The following AFM variants were observed in gnomAD, a reference collection of about 807,000 sequenced individuals.
The protein encoded by AFM is afamin.
AFM carries 82 observed loss-of-function variants against 68.7 expected under a neutral mutation model. That is an observed-to-expected ratio of 1.19 (90% CI 1.00 to 1.43). The LOEUF is 1.43. Ranked by LOEUF, AFM falls within the 40% of genes most tolerant of loss-of-function variation. AFM has a pLI of 0.00. For missense variants in AFM, 772 were observed against 701.8 expected (o/e 1.10, Z -1.13); for synonymous variants, 250 against 234.2 (o/e 1.07, Z -0.61).
chr4:73,486,270 A>G (rs1370313765), intron 4 of AFM, among the ~76,000 whole-genome samples, 197 bp downstream of exon 4: 1 of 152,220 alleles, frequency 6.6e-6, no homozygotes, highest in African/African-American at 2.4e-5. Context: ...CCCTGCTTAC[A>G]AGACCATTAT....
At chr4:73,493,240 CT>C (rs1298011714) in intron 8 of AFM, among the ~76,000 whole-genome samples, 1 of 152,128 alleles carries the variant, frequency 6.6e-6, no homozygotes, top group Non-Finnish European at 1.5e-5. Context: ...TGGGATGCCA[CT>C]GAATGGTTTT....
chr4:73,499,904 C>T, intron 11 of AFM, 100 bp from the exon 12 acceptor site: 2 of 969,814 alleles, frequency 2.1e-6, no homozygotes, highest in Non-Finnish European at 3.2e-6. Context: ...GTGAGGTTAA[C>T]AGTGATCTTA....
intron 7 of AFM, among the ~76,000 whole-genome samples, chr4:73,491,307 A>G (rs550540336): frequency 6.6e-6 from 1 of 152,298 alleles, no homozygotes; most frequent in African/African-American, 2.4e-5. Flanking sequence ...AATGAATGAT[A>G]TCCATTAGAA....
chr4:73,482,033 G>C (rs1720728661), intron 1 of AFM, among the ~76,000 whole-genome samples, 170 bp downstream of exon 1: 2 of 151,990 alleles, frequency 1.3e-5, no homozygotes, highest in Non-Finnish European at 2.9e-5. Context: ...TTTTTATTTT[G>C]ATGGTAATTT....
chr4:73,499,267 A>C, intron 11 of AFM, 21 bp downstream of exon 11: 1 of 1,510,030 alleles, frequency 6.6e-7, no homozygotes, highest in South Asian at 1.3e-5. Flanking sequence ...CCTGTGTACC[A>C]GACTACTCTT....
At chr4:73,499,801 A>G (rs1020366489) in intron 11 of AFM, among the ~76,000 whole-genome samples, 2 of 152,074 alleles carry the variant, frequency 1.3e-5, no homozygotes, top group Non-Finnish European at 2.9e-5. Context: ...CTAAATTCTT[A>G]TGGCTTGGAT....
intron 1 of AFM, among the ~76,000 whole-genome samples, chr4:73,483,644 T>C (rs1304305712): frequency 1.3e-5 from 2 of 152,258 alleles, no homozygotes; most frequent in African/African-American, 2.4e-5. Context: ...AGCATGGTAA[T>C]GTATTTGACA....
intron 3 of AFM, among the ~76,000 whole-genome samples, chr4:73,485,459 C>A (rs1720863925): frequency 6.6e-6 from 1 of 151,954 alleles, no homozygotes; most frequent in African/African-American, 2.4e-5. Context: ...GACACTTTGG[C>A]TGGAGGATCA....
intron 5 of AFM, among the ~76,000 whole-genome samples, 161 bp from the exon 6 acceptor site, chr4:73,487,563 G>A (rs1718788273): frequency 6.6e-6 from 1 of 152,172 alleles, no homozygotes; most frequent in African/African-American, 2.4e-5. Context: ...TGTGCCGTAA[G>A]TGCATATTTC....
chr4:73,501,747 A>T, intron 12 of AFM, 40 bp from the exon 13 acceptor site: 1 of 1,587,774 alleles, frequency 6.3e-7, no homozygotes, highest in Admixed American at 1.8e-5. Flanking sequence ...CTTCAGAAAG[A>T]AAGCGTTAAT....
At chr4:73,495,537 T>C (rs10212657) in intron 9 of AFM, 105 bp downstream of exon 9, 978,851 of 1,414,952 alleles carry the variant, frequency 0.69, 343,519 homozygotes, top group Non-Finnish European at 0.73. Flanking sequence ...GAAAATGTGA[T>C]TGGCTAATCT....
At chr4:73,482,467 A>G (rs1256534704) in intron 1 of AFM, among the ~76,000 whole-genome samples, 7 of 152,160 alleles carry the variant, frequency 4.6e-5, no homozygotes, top group Non-Finnish European at 1.0e-4. Context: ...CTTTGACTTG[A>G]ACAAATGTGC....
At position 73,492,083 on chromosome 4, in the gene AFM, C is replaced by T. The variant is rs151113361; in HGVS notation, c.1055C>T (p.Ala352Val). 2.6e-5 allele frequency: 42 copies of T among 1,604,246 alleles called. No homozygotes were observed. Among genetic ancestry groups the T allele is most frequent in the East Asian group, 6.7e-5 (3 of 44,742 alleles). The stretch of plus-strand genomic sequence containing the variant: ...GATGCTGACCCAGACACCTTCTTTG[C>T]GAAGTAATATAACTCTTTATTGAAT... ...ERDADPDTFF[A>V]KFTFEYSRRH... The change falls in exon 8 of 15, where the codon GCG becomes GTG. Residue 352 changes from alanine (A) to valine (V), a missense_variant. Transcript: ENST00000226355.
chr4:73,488,130 A>C (rs1378837987), intron 6 of AFM, among the ~76,000 whole-genome samples: 3 of 152,186 alleles, frequency 2.0e-5, no homozygotes, highest in Non-Finnish European at 4.4e-5. Flanking sequence ...GAAATAATTC[A>C]TCCATTGGTC....
chr4:73,485,614 GGAAGAA>G (rs1381716132), intron 3 of AFM, among the ~76,000 whole-genome samples: 11 of 145,534 alleles, frequency 7.6e-5, no homozygotes, highest in African/African-American at 2.8e-4. Flanking sequence ...AAGAGGAAGA[GGAAGAA>G]GAAGAAGAAA....
intron 10 of AFM, 35 bp from the exon 11 acceptor site, chr4:73,499,079 T>G: frequency 6.3e-7 from 1 of 1,595,162 alleles, no homozygotes; most frequent in Non-Finnish European, 8.6e-7. Context: ...GGTATCTGCT[T>G]TCATTCAGAA....
In AFM at chr4:73,487,106, A is replaced by G. The variant is rs576059378; in HGVS notation, c.615+7A>G. The G allele has an allele frequency of 1.9e-6, 3 of 1,613,734 alleles. No homozygotes were observed. In the African/African-American group the frequency reaches 4.0e-5, roughly 22 times the overall value. On this transcript the variant is annotated splice_region_variant and intron_variant, in intron 5 of 14. Coordinates refer to ENST00000226355, the MANE Select transcript of AFM (RefSeq NM_001133.2). The stretch of plus-strand genomic sequence containing the variant: ...CAACTGCCTTCAAACAAGGGTGGGT[A>G]TAGCATTTGTTCCATGAAGAGGATA...
chr4:73,498,936 G>A (rs981948654), intron 10 of AFM, among the ~76,000 whole-genome samples, 178 bp from the exon 11 acceptor site: 2 of 152,176 alleles, frequency 1.3e-5, no homozygotes, highest in African/African-American at 4.8e-5. Context: ...GATATAGGAA[G>A]CAGGGTGCAG....
chr4:73,489,327 TTAAC>T (rs1417563660), intron 7 of AFM, among the ~76,000 whole-genome samples: 18 of 152,106 alleles, frequency 1.2e-4, no homozygotes, highest in Admixed American at 1.0e-3. Flanking sequence ...TTTCTGGCCT[TTAAC>T]TGACAATTAA....
Sources: allele counts gnomAD v4.1 joint callset (sites outside exome capture counted in the v4.1 genomes callset), GRCh38; gene constraint gnomAD v4.1.1; transcripts MANE v1.5; gene names NCBI Gene and HGNC (gene_info 2026-07-23, HGNC 2026-07-21).